TNRC6A: variants seen among roughly 807,000 people sequenced by gnomAD.
TNRC6A encodes trinucleotide repeat-containing gene 6A protein.
Under a neutral mutation model 221.2 loss-of-function variants are expected in TNRC6A, and 44 were observed. The observed-to-expected ratio is 0.20, with a 90% CI of 0.16 to 0.26. The LOEUF is 0.26. Ranked by LOEUF, TNRC6A falls within the 10% of genes least tolerant of loss-of-function variation. TNRC6A has a pLI of 1.00. For synonymous variants in TNRC6A, 847 were observed against 838.5 expected, an observed-to-expected ratio of 1.01 and a Z score of -0.18; for missense variants, 2,199 against 2,404.4, an observed-to-expected ratio of 0.91 and a Z score of 1.79.
At chr16:24,780,412 A>G (rs2057816070) in intron 5 of TNRC6A, among the ~76,000 whole-genome samples, 1 of 152,224 alleles carries the variant, frequency 6.6e-6, no homozygotes. Flanking sequence ...CCACAATACC[A>G]TTATCACCCC....
At chr16:24,804,632 G>T in intron 12 of TNRC6A, 73 bp from the exon 13 acceptor site, 1 of 1,521,750 alleles carries the variant, frequency 6.6e-7, no homozygotes, top group Non-Finnish European at 8.8e-7. Flanking sequence ...CTTCTCTTCT[G>T]TTCCTGCAAT....
chr16:24,781,972 G>A lies in TNRC6A; in HGVS notation c.589+4614G>A, dbSNP rs538960982. On this transcript the variant is annotated intron_variant, in intron 5 of 24. Coordinates refer to ENST00000395799, the MANE Select transcript of TNRC6A (RefSeq NM_014494.4). ...CGAGTAGCTGGGACTACAGGCGCCC[G>A]CCACCATGCCCGGCTAATTTTTTGT... is the stretch of plus-strand genomic sequence containing the variant. 4.6e-5 allele frequency among the ~76,000 whole-genome samples: 7 copies of A among 152,020 alleles called. No individual in the cohort carries two copies. In the South Asian group the frequency reaches 1.2e-3, roughly 27 times the overall value.
In TNRC6A at chr16:24,794,661, C is replaced by T; in HGVS notation, c.3470C>T (p.Ser1157Phe). 1 of 1,613,832 alleles carries T rather than the reference C, an allele frequency of 6.2e-7. No individual in the cohort carries two copies. Among genetic ancestry groups the T allele is most frequent in the East Asian group, 2.2e-5 (1 of 44,864 alleles). The change falls in exon 8 of 25, where the codon TCT becomes TTT. Residue 1157 changes from serine (S) to phenylalanine (F), a missense_variant. Ser to Phe is a radical substitution (Grantham distance 155). Transcript: ENST00000395799. ...VEIGMWNSNS[S>F]QELNSSLNWP... is the part of the protein sequence containing the mutation. Reference sequence around the variant, plus strand: ...ATTGGAATGTGGAATAGTAATTCATCTCAAGAGCTTAACTCATCTTTAAAT... The same window carrying T: ...ATTGGAATGTGGAATAGTAATTCATTTCAAGAGCTTAACTCATCTTTAAAT...
At chr16:24,694,749 C>T (rs886917838) in intron 2 of TNRC6A, among the ~76,000 whole-genome samples, 3 of 149,558 alleles carry the variant, frequency 2.0e-5, no homozygotes, top group Non-Finnish European at 3.0e-5. Context: ...GCCTGGGCAA[C>T]GTAGCAAGAC....
At position 24,668,673 on chromosome 16, in the gene TNRC6A, C is replaced by T. The variant is rs184474619; in HGVS notation, n.402+27664C>T. Among the ~76,000 whole-genome samples, 10 of 152,304 alleles carry T rather than the reference C, an allele frequency of 6.6e-5. No homozygotes were observed. In the East Asian group the frequency reaches 1.2e-3, roughly 18 times the overall value. ...GGCCTACTTCTTACCCTGCCTTTCC[C>T]GCCCCCTCTGAGAAGAGGTAATTAT... On this transcript the variant is annotated intron_variant and non_coding_transcript_variant, in intron 2 of 2. Transcript: ENST00000566108.
At chr16:24,813,871 GA>G (rs1490547431) in intron 18 of TNRC6A, among the ~76,000 whole-genome samples, 4 of 152,026 alleles carry the variant, frequency 2.6e-5, no homozygotes, top group Admixed American at 1.3e-4. Context: ...GTTCTTACTA[GA>G]AAAAAATATA....
Position 24,750,682 on chromosome 16 carries a change from TC to T in TNRC6A, c.54-43del, listed in dbSNP as rs757235851. The T allele has an allele frequency of 2.7e-6, 4 of 1,492,926 alleles. No individual in the cohort carries two copies. The South Asian group carries it at 5.8e-5, about 22-fold the overall frequency. The allele number at this position is 1,492,926 out of a possible 1,614,324, so 92.5% of individuals were successfully genotyped here. A position where few individuals can be genotyped will look rare whatever the true frequency, so the allele number is the denominator to read the frequency against. On this transcript the variant is annotated intron_variant, in intron 2 of 24. Transcript: ENST00000395799. Reference sequence around the variant, plus strand: ...ATCTGTATGCAACATTATTTTTATTTCTTAATACATTTTGGGAAACTTAATT... The same window carrying T: ...ATCTGTATGCAACATTATTTTTATTTTTAATACATTTTGGGAAACTTAATT...
chr16:24,761,564 CT>C (rs950771260), intron 4 of TNRC6A, among the ~76,000 whole-genome samples: 2 of 147,944 alleles, frequency 1.4e-5, no homozygotes. Context: ...TTTTTTTTTT[CT>C]TTTTTTTTAA....
upstream of TNRC6A, among the ~76,000 whole-genome samples, chr16:24,725,292 C>A (rs1174681976): frequency 6.6e-6 from 1 of 152,138 alleles, no homozygotes; most frequent in East Asian, 1.9e-4. Context: ...CCCACCTCAG[C>A]CTCCTGAGTA....
intron 1 of TNRC6A, among the ~76,000 whole-genome samples, chr16:24,614,781 T>A (rs1190699777): frequency 6.6e-6 from 1 of 152,186 alleles, no homozygotes; most frequent in Non-Finnish European, 1.5e-5. Flanking sequence ...TTTAAAGTAA[T>A]TGCAGTGGAC....
chr16:24,612,787 G>A (rs1900120089), intron 1 of TNRC6A, among the ~76,000 whole-genome samples: 1 of 151,892 alleles, frequency 6.6e-6, no homozygotes, highest in Admixed American at 6.6e-5. Flanking sequence ...CCATGTGACA[G>A]TTTGTGCAAG....
rs372570570 is a variant in TNRC6A at position 24,806,329 on chromosome 16, A to T, written c.4329+46A>T. ...CGCAATGCTGTCTTTGTGTTAATAAACTCTGCTTATCTCCATTGTAGCAAG... is the reference window on the plus strand; with the variant it reads ...CGCAATGCTGTCTTTGTGTTAATAATCTCTGCTTATCTCCATTGTAGCAAG... On this transcript the variant is annotated intron_variant, in intron 16 of 24. Coordinates refer to ENST00000395799, the MANE Select transcript of TNRC6A (RefSeq NM_014494.4). 3 of 1,601,722 alleles carry T rather than the reference A, an allele frequency of 1.9e-6. No individual in the cohort carries two copies. The African/African-American group carries it at 4.0e-5, about 21-fold the overall frequency.
rs869133147 is a variant in TNRC6A at position 24,613,438 on chromosome 16, C to CATTTTATTTTATTTTATTTTATTTT, written n.276+3024_276+3048dup. 9.3e-5 allele frequency among the ~76,000 whole-genome samples: 10 copies of CATTTTATTTTATTTTATTTTATTTT among 107,130 alleles called. 1 individual carries two copies. In the South Asian group the frequency reaches 1.8e-3, roughly 19 times the overall value. The allele number at this position is 107,130 out of a possible 152,430, so 70.3% of individuals were successfully genotyped here. A position where few individuals can be genotyped will look rare whatever the true frequency, so the allele number is the denominator to read the frequency against. On this transcript the variant is annotated intron_variant and non_coding_transcript_variant, in intron 1 of 2. Transcript: ENST00000566108. ...TGGGATCAATGAGCAACTATTAAAG[C>CATTTTATTTTATTTTATTTTATTTT]ATTTTATTTTATTTTATTTTATTTT...
intron 2 of TNRC6A, among the ~76,000 whole-genome samples, chr16:24,718,235 C>G (rs72768662): frequency 6.6e-6 from 1 of 152,178 alleles, no homozygotes; most frequent in African/African-American, 2.4e-5. Context: ...AGTTATCTCA[C>G]GAGAGCATGT....
Position 24,790,043 on chromosome 16 carries a change from C to T in TNRC6A, c.1401C>T (p.Ser467=), listed in dbSNP as rs145186487. The T allele has an allele frequency of 3.4e-5, 55 of 1,614,044 alleles. No individual in the cohort carries two copies. Among genetic ancestry groups the T allele is most frequent in the Non-Finnish European group, 4.6e-5 (54 of 1,180,034 alleles). Residue 467 remains serine, a synonymous_variant, in exon 6 of 25, where the codon TCC becomes TCT. Coordinates refer to ENST00000395799, the MANE Select transcript of TNRC6A (RefSeq NM_014494.4). ...TNFMTSSLPN[S]GSVQNNELPS... Reference sequence around the variant, plus strand: ...TTATGACCTCTAGTTTACCAAACTCCGGTTCAGTGCAGAATAATGAGCTGC... The same window carrying T: ...TTATGACCTCTAGTTTACCAAACTCTGGTTCAGTGCAGAATAATGAGCTGC...
intron 5 of TNRC6A, among the ~76,000 whole-genome samples, chr16:24,784,896 T>G (rs973891568): frequency 6.6e-6 from 1 of 152,244 alleles, no homozygotes; most frequent in African/African-American, 2.4e-5. Flanking sequence ...TTTTGATGTA[T>G]TCTAACATTA....
chr16:24,817,615 T>C (rs2058681307), intron 20 of TNRC6A, among the ~76,000 whole-genome samples: 1 of 152,198 alleles, frequency 6.6e-6, no homozygotes, highest in South Asian at 2.1e-4. Context: ...ATGTGTTTCA[T>C]CCATGATTTT....
At chr16:24,613,684 T>C (rs766259903) in intron 1 of TNRC6A, among the ~76,000 whole-genome samples, 7 of 150,750 alleles carry the variant, frequency 4.6e-5, no homozygotes, top group Non-Finnish European at 7.4e-5. Flanking sequence ...TCTGCCACCA[T>C]GCCCAGCTAA....
chr16:24,717,360 C>A (rs1468806253), intron 2 of TNRC6A, among the ~76,000 whole-genome samples: 1 of 152,170 alleles, frequency 6.6e-6, no homozygotes, highest in Non-Finnish European at 1.5e-5. Flanking sequence ...AATGTACATT[C>A]TCCAATGTAG....
Sources: gnomAD v4.1 joint callset for allele counts (sites outside exome capture counted in the v4.1 genomes callset) on GRCh38, gnomAD v4.1.1 for gene constraint, MANE v1.5 for transcripts, NCBI Gene and HGNC (gene_info 2026-07-23, HGNC 2026-07-21) for gene names.